NDUFS4: variants seen among roughly 807,000 people sequenced by gnomAD.
NDUFS4 encodes NADH dehydrogenase [ubiquinone] iron-sulfur protein 4, mitochondrial.
Under a neutral mutation model 24.3 loss-of-function variants are expected in NDUFS4, and 28 were observed. The observed-to-expected ratio is 1.15, with a 90% CI of 0.85 to 1.58. The LOEUF is 1.58. NDUFS4 is among the 40% of genes most tolerant of loss of function. NDUFS4 has a pLI of 0.00. For synonymous variants in NDUFS4, 93 were observed against 69.7 expected, an observed-to-expected ratio of 1.34 and a Z score of -1.67; for missense variants, 223 against 207.9, an observed-to-expected ratio of 1.07 and a Z score of -0.45.
chr5:53,626,450 C>G (rs1751228385), intron 2 of NDUFS4, among the ~76,000 whole-genome samples: 1 of 152,170 alleles, frequency 6.6e-6, no homozygotes, highest in Non-Finnish European at 1.5e-5. Flanking sequence ...CTTGAGGAGT[C>G]ACCACACTGT....
intron 1 of NDUFS4, among the ~76,000 whole-genome samples, chr5:53,592,750 C>T (rs1041002408): frequency 2.0e-5 from 3 of 152,126 alleles, no homozygotes; most frequent in Non-Finnish European, 4.4e-5. Flanking sequence ...TAGCTAATAC[C>T]ACAGTCCTTA....
intron 4 of NDUFS4, among the ~76,000 whole-genome samples, chr5:53,672,196 C>G (rs1465264479): frequency 1.3e-5 from 2 of 151,590 alleles, no homozygotes; most frequent in Non-Finnish European, 2.9e-5. Context: ...TTATGAGGGT[C>G]TCAACCTCAC....
chr5:53,609,177 A>G (rs530792309), intron 2 of NDUFS4, among the ~76,000 whole-genome samples: 12 of 152,324 alleles, frequency 7.9e-5, no homozygotes, highest in South Asian at 2.1e-4. Context: ...AAGGTTTTCA[A>G]TTTACTTTGT....
At chr5:53,562,697 C>CCT in intron 1 of NDUFS4, among the ~76,000 whole-genome samples, 1 of 152,132 alleles carries the variant, frequency 6.6e-6, no homozygotes, top group Middle Eastern at 3.4e-3. Context: ...ATTTATAGAC[C>CCT]CTCTCCCTTA....
At chr5:53,626,743 C>T (rs1197746569) in intron 2 of NDUFS4, among the ~76,000 whole-genome samples, 3 of 151,564 alleles carry the variant, frequency 2.0e-5, no homozygotes, top group African/African-American at 4.8e-5. Flanking sequence ...TTTTTTTTCT[C>T]ATAAATTTGT....
In NDUFS4 at chr5:53,564,600, C is replaced by T. The variant is rs552889775; in HGVS notation, c.98+3840C>T. On this transcript the variant is annotated intron_variant, in intron 1 of 4. Coordinates refer to ENST00000296684, the MANE Select transcript of NDUFS4 (RefSeq NM_002495.4). ...TGTTGCTCAGGCTGGAGTGCAGTGG[C>T]GCAATCTTGGCTCATGCAACCTCCA... is the stretch of plus-strand genomic sequence containing the variant. Among the ~76,000 whole-genome samples the T allele has an allele frequency of 1.8e-4, 28 of 152,250 alleles. No homozygotes were observed. In the Middle Eastern group the frequency reaches 0.014, roughly 74 times the overall value.
At chr5:53,674,200 T>C (rs1740379473) in intron 4 of NDUFS4, among the ~76,000 whole-genome samples, 2 of 152,190 alleles carry the variant, frequency 1.3e-5, no homozygotes, top group African/African-American at 4.8e-5. Context: ...TGTGTGGAAA[T>C]ATGACTGGAT....
chr5:53,671,546 C>T (rs945968473), intron 4 of NDUFS4, among the ~76,000 whole-genome samples: 5 of 152,176 alleles, frequency 3.3e-5, no homozygotes, highest in East Asian at 1.9e-4. Context: ...TTAATGATAA[C>T]GTTTCTTTGT....
At chr5:53,675,903 G>A (rs893473819) in intron 4 of NDUFS4, among the ~76,000 whole-genome samples, 1 of 152,152 alleles carries the variant, frequency 6.6e-6, no homozygotes, top group African/African-American at 2.4e-5. Flanking sequence ...GAGGTATGCA[G>A]GCTTAAGCAT....
intron 4 of NDUFS4, among the ~76,000 whole-genome samples, chr5:53,680,444 G>C (rs983431443): frequency 6.6e-6 from 1 of 152,044 alleles, no homozygotes; most frequent in South Asian, 2.1e-4. Context: ...AACCAATCCA[G>C]ATGTCCAACA....
At chr5:53,599,532 T>G (rs1750244561) in intron 1 of NDUFS4, among the ~76,000 whole-genome samples, 1 of 152,212 alleles carries the variant, frequency 6.6e-6, no homozygotes, top group Non-Finnish European at 1.5e-5. Flanking sequence ...ATGTGCTCAT[T>G]AGCCATTTGT....
At chr5:53,673,636 C>T (rs1444074947) in intron 4 of NDUFS4, among the ~76,000 whole-genome samples, 2 of 152,140 alleles carry the variant, frequency 1.3e-5, no homozygotes, top group African/African-American at 4.8e-5. Flanking sequence ...GAGGACATAA[C>T]TATTCTTTTT....
intron 1 of NDUFS4, among the ~76,000 whole-genome samples, chr5:53,569,255 A>C (rs1579817709): frequency 1.3e-5 from 2 of 152,174 alleles, no homozygotes; most frequent in African/African-American, 2.4e-5. Flanking sequence ...ATTTGAATTT[A>C]ATTTTAATAT....
intron 2 of NDUFS4, among the ~76,000 whole-genome samples, chr5:53,627,407 A>G (rs1304636020): frequency 6.6e-6 from 1 of 152,104 alleles, no homozygotes; most frequent in South Asian, 2.1e-4. Flanking sequence ...GTTTTTTCGA[A>G]TTCTGTGAAG....
chr5:53,673,083 G>T (rs1489677764), intron 4 of NDUFS4, among the ~76,000 whole-genome samples: 3 of 152,102 alleles, frequency 2.0e-5, no homozygotes, highest in Non-Finnish European at 2.9e-5. Context: ...CAGGTAAATA[G>T]AACACATCTT....
At chr5:53,585,752 AAAAAG>A (rs964943470) in intron 1 of NDUFS4, among the ~76,000 whole-genome samples, 4 of 151,720 alleles carry the variant, frequency 2.6e-5, no homozygotes, top group African/African-American at 9.7e-5. Context: ...CAAAAAAAAA[AAAAAG>A]AAAATTTTTG....
At chr5:53,670,635 ATATTC>A (rs1370678577) in intron 4 of NDUFS4, among the ~76,000 whole-genome samples, 2 of 150,850 alleles carry the variant, frequency 1.3e-5, no homozygotes, top group Non-Finnish European at 3.0e-5. Context: ...ATATATATAT[ATATTC>A]TATGTAAATA....
chr5:53,637,521 T>C lies in NDUFS4; in HGVS notation c.178-8712T>C, dbSNP rs1751593016. On this transcript the variant is annotated intron_variant, in intron 2 of 4. Coordinates refer to ENST00000296684, the MANE Select transcript of NDUFS4 (RefSeq NM_002495.4). ...AATAAGAATACTTGCTTATAGTTCCTGGATTCTAGAAGGATTATGCAGGGG... is the reference window on the plus strand; with the variant it reads ...AATAAGAATACTTGCTTATAGTTCCCGGATTCTAGAAGGATTATGCAGGGG... Among the ~76,000 whole-genome samples the C allele has an allele frequency of 2.0e-5, 3 of 152,354 alleles. No homozygotes were observed. The South Asian group carries it at 6.2e-4, about 32-fold the overall frequency.
In NDUFS4 at chr5:53,659,352, G is replaced by C. The variant is rs116677680; in HGVS notation, c.424+728G>C. 2.4e-3 allele frequency among the ~76,000 whole-genome samples: 369 copies of C among 152,206 alleles called. 1 individual carries two copies. The highest frequency in any genetic ancestry group is 8.6e-3 in the African/African-American group (358 of 41,540). ...CAGACTAATATGGATTCTAATCTTG[G>C]TTATGCCACTTTGAAGCTATATGAT... On this transcript the variant is annotated intron_variant, in intron 4 of 4. Transcript: ENST00000296684.
Sources: allele counts gnomAD v4.1 joint callset (sites outside exome capture counted in the v4.1 genomes callset), GRCh38; gene constraint gnomAD v4.1.1; transcripts MANE v1.5; gene names NCBI Gene and HGNC (gene_info 2026-07-23, HGNC 2026-07-21).